Variants in ZNF217 observed in about 807,000 individuals in gnomAD.
ZNF217 encodes zinc finger protein 217.
In ZNF217, 12 loss-of-function variants were observed where a neutral mutation model predicts 73.3. The observed-to-expected ratio is 0.16, with a 90% CI of 0.10 to 0.27. ZNF217 has a LOEUF of 0.27. Among genes scored for constraint, ZNF217 ranks in the 10% least tolerant of loss-of-function variants. ZNF217 has a pLI of 1.00. For synonymous variants in ZNF217, 588 were observed against 516.4 expected, an observed-to-expected ratio of 1.14 and a Z score of -1.88; for missense variants, 1,195 against 1,327.8, an observed-to-expected ratio of 0.90 and a Z score of 1.55.
At chr20:53,575,513 A>ACACAGGGTTAAGAGTTAAACC in intron 4 of ZNF217, 1 of 484,626 alleles carries the variant, frequency 2.1e-6, no homozygotes. Flanking sequence ...AGAATAAAAT[A>ACACAGGGTTAAGAGTTAAACC]CACAGGGTTA....
chr20:53,590,135 C>A (rs939497179), intron 1 of ZNF217, among the ~76,000 whole-genome samples: 4 of 152,096 alleles, frequency 2.6e-5, no homozygotes, highest in Non-Finnish European at 5.9e-5. Context: ...ATTGTAGTAA[C>A]TGGATTTAAA....
chr20:53,571,403 C>G (rs1208766749), intron 5 of ZNF217, among the ~76,000 whole-genome samples: 1 of 57,698 alleles, frequency 1.7e-5, no homozygotes, highest in East Asian at 6.8e-4. Flanking sequence ...AATCCCCGCC[C>G]CCGCCCCCCC....
intron 1 of ZNF217, among the ~76,000 whole-genome samples, chr20:53,587,006 C>CA (rs1214658394): frequency 2.6e-5 from 4 of 152,222 alleles, no homozygotes; most frequent in Non-Finnish European, 4.4e-5. Context: ...AAGTACTTCA[C>CA]AAAAATGTTT....
In ZNF217 at chr20:53,581,468, G is replaced by T. The variant is rs774079377; in HGVS notation, c.1359C>A (p.Ile453=). ...DGSEDGLPEG[I]HLDKNDDGGK... is the part of the protein sequence containing the mutation. ...GGAGACAGGGCAGCTTACCCAGATG[G>T]ATTCCTTCGGGAAGCCCATCCTCAG... is the stretch of plus-strand genomic sequence containing the variant. Residue 453 remains isoleucine, a synonymous_variant, in exon 2 of 6, where the codon ATC becomes ATA. Transcript: ENST00000371471. The surrounding 1 kb of genome is among the most constrained non-coding windows in gnomAD (Gnocchi z 4.9). 1.2e-6 allele frequency: 2 copies of T among 1,607,016 alleles called. No individual in the cohort carries two copies. Among genetic ancestry groups the T allele is most frequent in the South Asian group, 2.2e-5 (2 of 90,660 alleles).
intron 2 of ZNF217, 131 bp from the exon 3 acceptor site, chr20:53,578,581 T>C: frequency 3.4e-6 from 2 of 587,372 alleles, no homozygotes; most frequent in South Asian, 5.0e-5. Flanking sequence ...AACATCGGGT[T>C]AGAACAAAAC....
chr20:53,577,723 A>G (rs146974679), intron 3 of ZNF217, among the ~76,000 whole-genome samples: 119 of 152,346 alleles, frequency 7.8e-4, no homozygotes, highest in African/African-American at 2.7e-3. Context: ...TCTCAATCAT[A>G]AAGACATAAG....
chr20:53,589,401 C>G (rs752194709), intron 1 of ZNF217, among the ~76,000 whole-genome samples: 2 of 152,180 alleles, frequency 1.3e-5, no homozygotes, highest in Non-Finnish European at 2.9e-5. Context: ...TGCTGATACC[C>G]TGGACAGGAA....
chr20:53,573,023 C>T (rs544888287), intron 4 of ZNF217, among the ~76,000 whole-genome samples: 5 of 152,214 alleles, frequency 3.3e-5, no homozygotes, highest in African/African-American at 1.2e-4. Flanking sequence ...CAGGACCACC[C>T]GCCCCCACCA....
Position 53,571,720 on chromosome 20 carries a change from CCTT to C in ZNF217, c.*21_*23del. ...TGTTTTTAATTGAAACATATGCTCA[CCTT>C]TTTTCCCCCTAATTAGTGAATCAAG... On this transcript the variant is annotated splice_region_variant and 3_prime_UTR_variant, in exon 5 of 6. Transcript: ENST00000371471. 6.2e-7 allele frequency: 1 copy of C among 1,607,442 alleles called. No individual in the cohort carries two copies. Among genetic ancestry groups the C allele is most frequent in the Middle Eastern group, 1.7e-4 (1 of 6,042 alleles).
intron 4 of ZNF217, among the ~76,000 whole-genome samples, chr20:53,573,593 G>C (rs760858370): frequency 2.0e-5 from 3 of 152,208 alleles, no homozygotes; most frequent in Admixed American, 1.3e-4. Context: ...CAAACAGTTC[G>C]GATTACAGGT....
upstream of ZNF217, among the ~76,000 whole-genome samples, chr20:53,594,091 T>C (rs1385912655): frequency 2.3e-5 from 3 of 129,612 alleles, no homozygotes; most frequent in Admixed American, 1.7e-4. Context: ...CCGGAGAATA[T>C]AGGGGCCGGG....
intron 1 of ZNF217, among the ~76,000 whole-genome samples, chr20:53,583,677 T>G (rs575732475): frequency 6.6e-6 from 1 of 152,352 alleles, no homozygotes; most frequent in Non-Finnish European, 1.5e-5. Context: ...AAACACCCCC[T>G]TAGAGATTTT....
rs1298334092 is a variant in ZNF217, at chr20:53,568,058, A to G, written c.*1230T>C. ...CCATCTTCTCTAAAACCCAAATTGCATGTGCACTGAGAAAAATGTTACTGC... is the reference window on the plus strand; with the variant it reads ...CCATCTTCTCTAAAACCCAAATTGCGTGTGCACTGAGAAAAATGTTACTGC... On this transcript the variant is annotated 3_prime_UTR_variant, in exon 6 of 6. Coordinates refer to ENST00000371471, the MANE Select transcript of ZNF217 (RefSeq NM_006526.3). 1 of 152,436 alleles carries G rather than the reference A, an allele frequency of 6.6e-6. No individual in the cohort carries two copies. Among genetic ancestry groups the G allele is most frequent in the East Asian group, 1.9e-4 (1 of 5,202 alleles). The allele number at this position is 152,436 out of a possible 1,614,324, so 9.4% of individuals were successfully genotyped here.
upstream of ZNF217, among the ~76,000 whole-genome samples, chr20:53,594,686 T>C (rs892448686): frequency 1.3e-5 from 2 of 151,692 alleles, no homozygotes; most frequent in African/African-American, 2.4e-5. Context: ...GATCCGGCCC[T>C]GTCCCCGCCG....
At chr20:53,591,565 G>T (rs1244693558) in intron 1 of ZNF217, among the ~76,000 whole-genome samples, 1 of 152,134 alleles carries the variant, frequency 6.6e-6, no homozygotes, top group African/African-American at 2.4e-5. Context: ...CAACATCAGG[G>T]TTAAGAAACA....
chr20:53,577,143 C>G lies in ZNF217; in HGVS notation c.1621G>C (p.Asp541His). 6.2e-7 allele frequency: 1 copy of G among 1,614,078 alleles called. No homozygotes were observed. Among genetic ancestry groups the G allele is most frequent in the South Asian group, 1.1e-5 (1 of 91,080 alleles). ...GCGGTTAATAGTGCATCTTCAGTGT[C>G]CTGATTTTTACCATCGTTCTTGACT... is the stretch of plus-strand genomic sequence containing the variant. ...AEVKNDGKNQ[D>H]TEDALLTADS... The change falls in exon 4 of 6, where the codon GAC becomes CAC. Residue 541 changes from aspartate to histidine, a missense_variant. This residue lies in a region of ZNF217 where 649 missense variants were observed against 642.8 expected (regional missense o/e 1.01). Transcript: ENST00000371471.
chr20:53,582,936 T>G lies in ZNF217; in HGVS notation c.-110A>C. On this transcript the variant is annotated 5_prime_UTR_variant, in exon 2 of 6. Coordinates refer to ENST00000371471, the MANE Select transcript of ZNF217 (RefSeq NM_006526.3). This position sits in a 1 kb window ranked among gnomAD's most constrained non-coding sequence, Gnocchi z 4.8. The stretch of plus-strand genomic sequence containing the variant: ...GGGTTCCAAAAACCAGAGCAAATAT[T>G]TATTATAAAAGTTCAAAAGAAAGTG... The G allele has an allele frequency of 8.3e-7, 1 of 1,201,094 alleles. No individual in the cohort carries two copies. Among genetic ancestry groups the G allele is most frequent in the Non-Finnish European group, 1.2e-6 (1 of 856,470 alleles). The allele number at this position is 1,201,094 out of a possible 1,614,324, so 74.4% of individuals were successfully genotyped here. A position where few individuals can be genotyped will look rare whatever the true frequency, so the allele number is the denominator to read the frequency against.
At chr20:53,579,683 C>T (rs776547156) in intron 2 of ZNF217, among the ~76,000 whole-genome samples, 1 of 152,216 alleles carries the variant, frequency 6.6e-6, no homozygotes, top group Non-Finnish European at 1.5e-5. Flanking sequence ...CTGGTTCCTG[C>T]TCTTTCAAGC....
At chr20:53,574,801 A>AAG (rs1220530152) in intron 4 of ZNF217, 1 of 149,786 alleles carries the variant, frequency 6.7e-6, no homozygotes, top group East Asian at 2.0e-4. Flanking sequence ...TCTCAAAAAA[A>AAG]AAAAAAAAAA....
Sources: gnomAD v4.1 joint callset for allele counts (sites outside exome capture counted in the v4.1 genomes callset) on GRCh38, gnomAD v4.1.1 for gene constraint, gnomAD v4.1.1 regional missense constraint, Gnocchi (gnomAD v3.1) non-coding constraint, MANE v1.5 for transcripts, NCBI Gene and HGNC (gene_info 2026-07-23, HGNC 2026-07-21) for gene names.